CC2D2B: variants seen among roughly 807,000 people sequenced by gnomAD.
CC2D2B encodes coiled-coil and C2 domain containing 2B, also known as protein CC2D2B.
Under a neutral mutation model 161.2 loss-of-function variants are expected in CC2D2B, and 128 were observed. The ratio of observed to expected loss-of-function variants is 0.79; its 90% CI spans 0.69 to 0.92. The LOEUF (loss-of-function observed/expected upper bound fraction) is 0.92, where lower values mean the gene tolerates loss of function less well. Ranked by LOEUF, CC2D2B falls within the 40% of genes least tolerant of loss-of-function variation. The pLI is 0.00. For missense variants in CC2D2B, 1,173 were observed against 1,375.1 expected (o/e 0.85, Z 2.32); for synonymous variants, 391 against 449.8 (o/e 0.87, Z 1.65).
chr10:95,936,761 G>A (rs2075836605), intron 6 of CC2D2B, among the ~76,000 whole-genome samples: 1 of 152,104 alleles, frequency 6.6e-6, no homozygotes, highest in Admixed American at 6.6e-5. Context: ...ATAAAAAAAA[G>A]ACCCACAGAG....
intron 2 of CC2D2B, among the ~76,000 whole-genome samples, chr10:95,915,194 G>C (rs1382242734): frequency 1.3e-5 from 2 of 152,058 alleles, no homozygotes; most frequent in African/African-American, 4.8e-5. Flanking sequence ...TTATTTTCTA[G>C]ATTTCTTTTT....
At chr10:95,973,937 A>G (rs1304431470) in intron 16 of CC2D2B, 72 bp from the exon 17 acceptor site, 8 of 839,796 alleles carry the variant, frequency 9.5e-6, no homozygotes, top group Non-Finnish European at 1.3e-5. Context: ...AGTAAAACTC[A>G]GGAAAAAACC....
In CC2D2B at chr10:95,947,082, AAT is replaced by A. The variant is rs1297977316; in HGVS notation, c.802-2783_802-2782del. On this transcript the variant is annotated intron_variant, in intron 9 of 34. Transcript: ENST00000646931. ...ATAAATTCCAAATAGTGGACTCAAA[AAT>A]ATATATATATATATATATATATATA... Among the ~76,000 whole-genome samples, 305 of 39,488 alleles carry A rather than the reference AAT, an allele frequency of 7.7e-3. 3 individuals are homozygous for A. Among genetic ancestry groups the A allele is most frequent in the East Asian group, 0.011 (27 of 2,348 alleles). The allele number at this position is 39,488 out of a possible 152,430, so 25.9% of individuals were successfully genotyped here. A position where few individuals can be genotyped will look rare whatever the true frequency, so the allele number is the denominator to read the frequency against.
intron 9 of CC2D2B, among the ~76,000 whole-genome samples, chr10:95,941,368 G>T (rs747283480): frequency 5.3e-5 from 8 of 152,126 alleles, no homozygotes; most frequent in Non-Finnish European, 1.2e-4. Context: ...AAATGCATCT[G>T]TTGCAGTAAA....
chr10:95,946,019 A>G (rs2076185360), intron 9 of CC2D2B, among the ~76,000 whole-genome samples: 1 of 152,124 alleles, frequency 6.6e-6, no homozygotes, highest in East Asian at 1.9e-4. Flanking sequence ...TCTTGACCTC[A>G]GAAGACCTGC....
intron 29 of CC2D2B, among the ~76,000 whole-genome samples, chr10:96,014,707 G>A (rs967663455): frequency 6.6e-6 from 1 of 152,118 alleles, no homozygotes; most frequent in Non-Finnish European, 1.5e-5. Context: ...AACATGCAAA[G>A]CATCTGGACC....
chr10:96,008,845 A>G (rs543582651), intron 25 of CC2D2B, among the ~76,000 whole-genome samples: 3 of 151,876 alleles, frequency 2.0e-5, no homozygotes, highest in African/African-American at 7.2e-5. Flanking sequence ...TTATCTTTTT[A>G]TTTTCTTAGC....
chr10:95,918,972 A>G (rs1052185282), intron 2 of CC2D2B: 4 of 151,648 alleles, frequency 2.6e-5, no homozygotes, highest in Non-Finnish European at 4.4e-5. Flanking sequence ...CTTTTTAATT[A>G]TTTCTATCTC....
At chr10:95,928,261 C>A (rs1435096056) in intron 6 of CC2D2B, among the ~76,000 whole-genome samples, 1 of 151,362 alleles carries the variant, frequency 6.6e-6, no homozygotes, top group Non-Finnish European at 1.5e-5. Context: ...AAATTTTGAA[C>A]AAGTAAAACA....
intron 34 of CC2D2B, among the ~76,000 whole-genome samples, chr10:96,031,111 A>G (rs2080048022): frequency 6.6e-6 from 1 of 152,178 alleles, no homozygotes; most frequent in Non-Finnish European, 1.5e-5. Flanking sequence ...TGTGCCAGGC[A>G]TTATGCTGGA....
chr10:96,019,312 T>C lies in CC2D2B; in HGVS notation c.3740T>C (p.Val1247Ala). 6.2e-7 allele frequency: 1 copy of C among 1,611,156 alleles called. No individual in the cohort carries two copies. The highest frequency in any genetic ancestry group is 8.5e-7 in the Non-Finnish European group (1 of 1,179,258). ...QFDPFCPLKS[V>A]DCLFDDRNVW... ...GACCCGTTTTGTCCCTTAAAAAGTGTAGATTGTTTGTTTGATGATAGAAAT... is the reference window on the plus strand; with the variant it reads ...GACCCGTTTTGTCCCTTAAAAAGTGCAGATTGTTTGTTTGATGATAGAAAT... Residue 1247 changes from valine (V) to alanine (A), a missense_variant, in exon 31 of 35, where the codon GTA becomes GCA. By Grantham distance (64) the Val-to-Ala change is moderately conservative (BLOSUM62 0). This residue lies in a region of CC2D2B where 598 missense variants were observed against 693.2 expected (regional missense o/e 0.86). Coordinates refer to ENST00000646931, the MANE Select transcript of CC2D2B (RefSeq NM_001349008.3).
At chr10:96,010,018 G>A in intron 26 of CC2D2B, 95 bp downstream of exon 26, 1 of 726,454 alleles carries the variant, frequency 1.4e-6, no homozygotes, top group Non-Finnish European at 2.4e-6. Context: ...GTGATTGGCA[G>A]GCTGGTAGGT....
rs376545154 is a variant in CC2D2B, at chr10:96,015,074, A to AT, written c.3517-1117dup. ...TGAACTGGAGAGTGCATGCCACATC[A>AT]TTTTTTTTTTAAATGGAGTCTCGCT... On this transcript the variant is annotated intron_variant, in intron 29 of 34. Coordinates refer to ENST00000646931, the MANE Select transcript of CC2D2B (RefSeq NM_001349008.3). Among the ~76,000 whole-genome samples the AT allele has an allele frequency of 2.1e-4, 31 of 145,880 alleles. No individual in the cohort carries two copies. The East Asian group carries it at 2.4e-3, about 11-fold the overall frequency.
chr10:95,947,789 C>A (rs912017344), intron 9 of CC2D2B, among the ~76,000 whole-genome samples: 1 of 151,868 alleles, frequency 6.6e-6, no homozygotes, highest in East Asian at 1.9e-4. Flanking sequence ...ACAGTTGAAT[C>A]ATCTTCCATA....
chr10:95,931,456 T>A (rs887640453), intron 6 of CC2D2B, among the ~76,000 whole-genome samples: 6 of 152,218 alleles, frequency 3.9e-5, no homozygotes, highest in African/African-American at 1.4e-4. Flanking sequence ...CTTCTCCAGT[T>A]CTTTTAATTG....
Position 95,964,635 on chromosome 10 carries a change from T to C in CC2D2B, c.1251-1261T>C, listed in dbSNP as rs1325473837. Among the ~76,000 whole-genome samples the C allele has an allele frequency of 2.6e-5, 4 of 152,282 alleles. No individual in the cohort carries two copies. The East Asian group carries it at 5.8e-4, about 22-fold the overall frequency. Reference sequence around the variant, plus strand: ...ATTTTCAGATGAGAAAAGTGAGGCATAGAGTTCTTAAGGAATTTACCCAGA... The same window carrying C: ...ATTTTCAGATGAGAAAAGTGAGGCACAGAGTTCTTAAGGAATTTACCCAGA... On this transcript the variant is annotated intron_variant, in intron 12 of 34. Transcript: ENST00000646931.
chr10:95,982,003 G>A lies in CC2D2B; in HGVS notation c.1972G>A (p.Val658Ile). Residue 658 changes from valine (V) to isoleucine (I), a missense_variant, in exon 18 of 35, where the codon GTT becomes ATT. This residue lies in a region of CC2D2B where 277 missense variants were observed against 420.6 expected (regional missense o/e 0.66). Transcript: ENST00000646931. ...SMLRNVDARS[V>I]PGIPWLMNEQ... ...GTTAAGGAATGTAGATGCAAGAAGT[G>A]TTCCTGGAATTCCATGGCTCATGAA... is the stretch of plus-strand genomic sequence containing the variant. 8.1e-7 allele frequency: 1 copy of A among 1,230,694 alleles called. No homozygotes were observed. The highest frequency in any genetic ancestry group is 1.0e-6 in the Non-Finnish European group (1 of 986,756). 76.2% of individuals were successfully genotyped at this position (1,230,694 alleles called of 1,614,324 possible). A position where few individuals can be genotyped will look rare whatever the true frequency, so the allele number is the denominator to read the frequency against.
intron 17 of CC2D2B, among the ~76,000 whole-genome samples, chr10:95,980,871 A>G (rs190973602): frequency 1.7e-3 from 265 of 152,304 alleles, no homozygotes; most frequent in Non-Finnish European, 1.6e-4. Context: ...TTTCTGGACT[A>G]CTTTATAGAA....
At chr10:95,925,825 G>T (rs1253344338) in intron 5 of CC2D2B, among the ~76,000 whole-genome samples, 1 of 152,102 alleles carries the variant, frequency 6.6e-6, no homozygotes, top group Non-Finnish European at 1.5e-5. Context: ...AAGAACCAAA[G>T]GATTTTAGGT....
Sources: allele counts gnomAD v4.1 joint callset (sites outside exome capture counted in the v4.1 genomes callset), GRCh38; gene constraint gnomAD v4.1.1; regional missense constraint gnomAD v4.1.1; transcripts MANE v1.5; gene names NCBI Gene and HGNC (gene_info 2026-07-23, HGNC 2026-07-21).